PSORS1C1: variants seen among roughly 807,000 people sequenced by gnomAD.
PSORS1C1 encodes psoriasis susceptibility 1 candidate gene 1 protein.
A neutral mutation model predicts 9.4 loss-of-function variants in PSORS1C1; 7 were observed. The ratio of observed to expected loss-of-function variants is 0.75; its 90% CI spans 0.42 to 1.40. The LOEUF (loss-of-function observed/expected upper bound fraction) is 1.40, where lower values mean the gene tolerates loss of function less well. Ranked by LOEUF, PSORS1C1 falls within the 40% of genes most tolerant of loss-of-function variation. The probability of loss-of-function intolerance (pLI) is 0.01; values close to 1 mark genes in which losing one functional copy is unlikely to be tolerated. For synonymous variants in PSORS1C1, 63 were observed against 69.4 expected (o/e 0.91, Z 0.46); for missense variants, 146 against 178.1 (o/e 0.82, Z 1.02).
At position 31,135,202 on chromosome 6, in the gene PSORS1C1, A is replaced by T. The variant is rs1176575044; in HGVS notation, c.14-3228A>T. ...ATGCTTTTCAAGGAATTGCAAATAC[A>T]TGTTAAAAATCACATCACTATTTAT... On this transcript the variant is annotated intron_variant, in intron 3 of 5. Transcript: ENST00000259881. 4.6e-5 allele frequency among the ~76,000 whole-genome samples: 7 copies of T among 152,194 alleles called. No homozygotes were observed. The East Asian group carries it at 1.3e-3, about 29-fold the overall frequency.
At chr6:31,123,415 G>A (rs895834602) in intron 1 of PSORS1C1, among the ~76,000 whole-genome samples, 1 of 152,234 alleles carries the variant, frequency 6.6e-6, no homozygotes, top group Non-Finnish European at 1.5e-5. Flanking sequence ...GCTTAGGAGG[G>A]AAGAAAAGGG....
rs557204332 is a variant in PSORS1C1 at position 31,125,029 on chromosome 6, AG to A, written c.-228-646del. 3.3e-5 allele frequency among the ~76,000 whole-genome samples: 5 copies of A among 152,026 alleles called. 1 individual carries two copies. The South Asian group carries it at 1.0e-3, about 32-fold the overall frequency. ...CTGGCTCATGAGGTCCCTCCTCCAC[AG>A]CTTTCCTCCTCTGGGGGCCTGAGAG... is the stretch of plus-strand genomic sequence containing the variant. On this transcript the variant is annotated intron_variant, in intron 1 of 5. Transcript: ENST00000259881.
chr6:31,135,839 C>T (rs972251566), intron 3 of PSORS1C1, among the ~76,000 whole-genome samples: 3 of 152,018 alleles, frequency 2.0e-5, no homozygotes, highest in Non-Finnish European at 4.4e-5. Flanking sequence ...GAGTTTGAGA[C>T]AAGCCCGGGC....
At chr6:31,138,148 G>T in intron 3 of PSORS1C1, 1 of 1,604,818 alleles carries the variant, frequency 6.2e-7, no homozygotes, top group Middle Eastern at 1.7e-4. Context: ...TCTCTCCAGG[G>T]ACGACTGGGG....
chr6:31,114,951 G>A, intron 1 of PSORS1C1, 60 bp downstream of exon 1: 1 of 446,870 alleles, frequency 2.2e-6, no homozygotes, highest in Admixed American at 2.4e-5. Flanking sequence ...GGGAGGGGAG[G>A]GAGAGGAAAC....
rs2150968825 is a variant in PSORS1C1, at chr6:31,128,591, A to G, written c.-64-978A>G. Among the ~76,000 whole-genome samples the G allele has an allele frequency of 6.6e-6, 1 of 152,284 alleles. No individual in the cohort carries two copies. Among genetic ancestry groups the G allele is most frequent in the East Asian group, 1.9e-4 (1 of 5,190 alleles). ...ACTGCCTCTGAGGATATTAGGGGGA[A>G]AAACCCACAGGAGGTGCATTTGGCT... On this transcript the variant is annotated intron_variant, in intron 2 of 5. Coordinates refer to ENST00000259881, the MANE Select transcript of PSORS1C1 (RefSeq NM_014068.3). This position sits in a 1 kb window ranked among gnomAD's most constrained non-coding sequence, Gnocchi z 4.3.
At chr6:31,135,447 A>G (rs533817684) in intron 3 of PSORS1C1, among the ~76,000 whole-genome samples, 24 of 151,918 alleles carry the variant, frequency 1.6e-4, no homozygotes, top group African/African-American at 5.8e-4. Flanking sequence ...TGAATTGCTG[A>G]CCTCAAGTGA....
chr6:31,131,843 G>C (rs1003799358), intron 3 of PSORS1C1, among the ~76,000 whole-genome samples: 1 of 152,260 alleles, frequency 6.6e-6, no homozygotes, highest in Non-Finnish European at 1.5e-5. Flanking sequence ...TATGGCACAT[G>C]CGCAGTAGAA....
At position 31,115,698 on chromosome 6, in the gene PSORS1C1, G is replaced by T. The variant is rs1772071789; in HGVS notation, c.-229+807G>T. The T allele has an allele frequency of 2.6e-6, 1 of 384,514 alleles. No homozygotes were observed. The highest frequency in any genetic ancestry group is 4.7e-6 in the Non-Finnish European group (1 of 214,194). The allele number at this position is 384,514 out of a possible 1,614,324, so 23.8% of individuals were successfully genotyped here. ...TTTCCCAGTTGAGAAGCTGATGGGG[G>T]TGTTACTCAATGGACCATTTCCACA... On this transcript the variant is annotated intron_variant, in intron 1 of 5. Coordinates refer to ENST00000259881, the MANE Select transcript of PSORS1C1 (RefSeq NM_014068.3). The surrounding 1 kb of genome is among the most constrained non-coding windows in gnomAD (Gnocchi z 4.2).
At position 31,115,248 on chromosome 6, in the gene PSORS1C1, C is replaced by G. The variant is rs954097505; in HGVS notation, c.-229+357C>G. 4.1e-6 allele frequency: 1 copy of G among 241,102 alleles called. No individual in the cohort carries two copies. The highest frequency in any genetic ancestry group is 2.3e-5 in the African/African-American group (1 of 43,798). The allele number at this position is 241,102 out of a possible 1,614,324, so 14.9% of individuals were successfully genotyped here. Reference sequence around the variant, plus strand: ...GACTCTCAGAGGAGACCCAGGACTCCAAGAAGGCAAAAAGTCTGCACCTAG... The same window carrying G: ...GACTCTCAGAGGAGACCCAGGACTCGAAGAAGGCAAAAAGTCTGCACCTAG... On this transcript the variant is annotated intron_variant, in intron 1 of 5. Coordinates refer to ENST00000259881, the MANE Select transcript of PSORS1C1 (RefSeq NM_014068.3). The surrounding 1 kb of genome is among the most constrained non-coding windows in gnomAD (Gnocchi z 4.2).
intron 1 of PSORS1C1, among the ~76,000 whole-genome samples, chr6:31,123,111 A>G (rs1772535855): frequency 6.6e-6 from 1 of 152,178 alleles, no homozygotes; most frequent in African/African-American, 2.4e-5. Context: ...GCCAGGCTGG[A>G]GGAGGCACAG....
At chr6:31,134,480 AT>A (rs374975101) in intron 3 of PSORS1C1, among the ~76,000 whole-genome samples, 2,164 of 149,040 alleles carry the variant, frequency 0.015, 36 homozygotes, top group South Asian at 0.07. Flanking sequence ...TTTTTTTTGT[AT>A]TTTTTAGTAG....
intron 1 of PSORS1C1, among the ~76,000 whole-genome samples, chr6:31,124,967 C>CG (rs35874020): frequency 6.7e-6 from 1 of 149,050 alleles, no homozygotes; most frequent in Non-Finnish European, 1.5e-5. Context: ...GACTCCGTCT[C>CG]AAAAAAAAAA....
At chr6:31,117,914 C>T (rs899902370) in intron 1 of PSORS1C1, 6 of 239,822 alleles carry the variant, frequency 2.5e-5, no homozygotes, top group Non-Finnish European at 3.3e-5. Context: ...GCCTGGGCAA[C>T]ATAGACCCCG....
chr6:31,119,464 G>A (rs1189071048), intron 1 of PSORS1C1, among the ~76,000 whole-genome samples: 1 of 152,178 alleles, frequency 6.6e-6, no homozygotes, highest in African/African-American at 2.4e-5. Flanking sequence ...GGGGTTGCCC[G>A]GCCTGGGGTT....
chr6:31,116,184 A>G, intron 1 of PSORS1C1: 1 of 1,613,310 alleles, frequency 6.2e-7, no homozygotes, highest in Non-Finnish European at 8.5e-7. Context: ...CGGAGGGATC[A>G]GGATGGGGAG....
At chr6:31,130,421 T>G (rs1388141202) in intron 3 of PSORS1C1, among the ~76,000 whole-genome samples, 5 of 151,684 alleles carry the variant, frequency 3.3e-5, no homozygotes, top group Admixed American at 6.6e-5. Context: ...TTGTTTGTTT[T>G]TTTTTTTTGA....
chr6:31,119,901 A>G (rs1439941203), intron 1 of PSORS1C1, among the ~76,000 whole-genome samples: 1 of 87,358 alleles, frequency 1.1e-5, no homozygotes, highest in East Asian at 3.7e-4. Flanking sequence ...GTGGGACTCC[A>G]TCTCACAAAA....
chr6:31,137,626 A>C, intron 3 of PSORS1C1: 6 of 321,968 alleles, frequency 1.9e-5, no homozygotes, highest in Admixed American at 4.9e-5. Context: ...GCAGAAGGGA[A>C]CACAGTACCA....
Sources: gnomAD v4.1 joint callset for allele counts (sites outside exome capture counted in the v4.1 genomes callset) on GRCh38, gnomAD v4.1.1 for gene constraint, Gnocchi (gnomAD v3.1) non-coding constraint, MANE v1.5 for transcripts, NCBI Gene and HGNC (gene_info 2026-07-23, HGNC 2026-07-21) for gene names.